The following EML3 variants were observed in gnomAD, a reference collection of about 807,000 sequenced individuals.
EML3 encodes echinoderm microtubule-associated protein-like 3.
EML3 carries 53 observed loss-of-function variants against 106.7 expected under a neutral mutation model. That is an observed-to-expected ratio of 0.50 (90% CI 0.40 to 0.62). The LOEUF (loss-of-function observed/expected upper bound fraction) is 0.62. EML3 is among the 20% of genes least tolerant of loss of function. The probability of loss-of-function intolerance (pLI) is 0.00; values close to 1 mark genes in which losing one functional copy is unlikely to be tolerated. For missense variants in EML3, 994 were observed against 1,209.1 expected (o/e 0.82, Z 2.64); for synonymous variants, 499 against 489.6 (o/e 1.02, Z -0.25).
intron 20 of EML3, 57 bp from the exon 21 acceptor site, chr11:62,602,946 A>T: frequency 1.3e-6 from 2 of 1,485,322 alleles, no homozygotes; most frequent in Non-Finnish European, 1.8e-6. Flanking sequence ...CACGGCCCAG[A>T]GCTACACCAT....
chr11:62,611,469 A>G lies in EML3; in HGVS notation c.150T>C (p.Pro50=). ...GTGTGCCAGAGCCCTGCAGGGAGGAAGGGGGCACCTGCAGCCGCAGCAGGC... is the reference window on the plus strand; with the variant it reads ...GTGTGCCAGAGCCCTGCAGGGAGGAGGGGGGCACCTGCAGCCGCAGCAGGC... The part of the protein sequence containing the change: ...ALRLLRLQVP[P]SSLQGSGTPA... Residue 50 remains proline, a synonymous_variant, in exon 2 of 22, where the codon CCT becomes CCC. Coordinates refer to ENST00000394773, the MANE Select transcript of EML3 (RefSeq NM_153265.3). 3 of 1,613,804 alleles carry G rather than the reference A, an allele frequency of 1.9e-6. No homozygotes were observed. Among genetic ancestry groups the G allele is most frequent in the Non-Finnish European group, 2.5e-6 (3 of 1,179,910 alleles).
Position 62,602,488 on chromosome 11 carries a change from G to A in EML3, c.2678C>T (p.Ser893Phe). 2.0e-6 allele frequency: 3 copies of A among 1,535,110 alleles called. No homozygotes were observed. The highest frequency in any genetic ancestry group is 1.2e-5 in the South Asian group (1 of 82,606). The change falls in exon 22 of 22, where the codon TCC (serine) becomes TTC (phenylalanine). Residue 893 changes from serine to phenylalanine, a missense_variant. Physicochemically the swap from Ser to Phe is radical, Grantham distance 155. Transcript: ENST00000394773. ...GCCAGGCAGCGATCAAACGTCGAGGGAGGAGGCGGGGGACAGGGAGGGGGT... is the reference window on the plus strand; with the variant it reads ...GCCAGGCAGCGATCAAACGTCGAGGAAGGAGGCGGGGGACAGGGAGGGGGT... Reference protein sequence around the residue: ...SRTPSLSPASSLDV With the variant: ...SRTPSLSPASFLDV
In EML3 at chr11:62,607,696, C is replaced by A. The variant is rs1389051213; in HGVS notation, c.1332G>T (p.Gly444=). 7 of 1,613,906 alleles carry A rather than the reference C, an allele frequency of 4.3e-6. No homozygotes were observed. Among genetic ancestry groups the A allele is most frequent in the East Asian group, 4.5e-5 (2 of 44,902 alleles). ...WSGGVGVPGN[G]TLTRKQGVFG... is the part of the protein sequence containing the mutation. ...AGACACCCTGTTTCCGGGTAAGGGTCCCATTCCCAGGAACCCCTACTCCAC... is the reference window on the plus strand; with the variant it reads ...AGACACCCTGTTTCCGGGTAAGGGTACCATTCCCAGGAACCCCTACTCCAC... The change falls in exon 11 of 22, where the codon GGG becomes GGT. Residue 444 remains glycine (G), a synonymous_variant. Coordinates refer to ENST00000394773, the MANE Select transcript of EML3 (RefSeq NM_153265.3).
chr11:62,608,309 G>T lies in EML3; in HGVS notation c.1111-13C>A. The T allele has an allele frequency of 6.2e-7, 1 of 1,612,126 alleles. No homozygotes were observed. Among genetic ancestry groups the T allele is most frequent in the South Asian group, 1.1e-5 (1 of 91,006 alleles). ...AGGCACCCTGATCCTGAAGAAGGGT[G>T]ACACATAGGAGGTGCAGAGTGAACC... On this transcript the variant is annotated splice_polypyrimidine_tract_variant and intron_variant, in intron 9 of 21. Transcript: ENST00000394773.
Position 62,605,391 on chromosome 11 carries a change from T to G in EML3, c.1915-211A>C, listed in dbSNP as rs977064254. On this transcript the variant is annotated intron_variant, in intron 15 of 21. Transcript: ENST00000394773. The surrounding 1 kb of genome is among the most constrained non-coding windows in gnomAD (Gnocchi z 5.2). ...TGATGCCAATAGCTGTGCTGGAGAT[T>G]AACCATTTAGGTGCTGGATCAAGAG... 2.0e-5 allele frequency among the ~76,000 whole-genome samples: 3 copies of G among 152,146 alleles called. No individual in the cohort carries two copies. Among genetic ancestry groups the G allele is most frequent in the African/African-American group, 7.2e-5 (3 of 41,432 alleles).
rs1942695836 is a variant in EML3, at chr11:62,609,371, G to A, written c.741C>T (p.Thr247=). The change falls in exon 6 of 22, where the codon ACC becomes ACT. Residue 247 remains threonine (T), a synonymous_variant. Coordinates refer to ENST00000394773, the MANE Select transcript of EML3 (RefSeq NM_153265.3). Reference sequence around the variant, plus strand: ...CAGGATACACCCAGTCAAGGCTGAGGGTCTCTGGCGGTGGGCCACTCGGCA... The same window carrying A: ...CAGGATACACCCAGTCAAGGCTGAGAGTCTCTGGCGGTGGGCCACTCGGCA... ...EELPSGPPPE[T]LSLDWVYGYR... 1 of 1,586,052 alleles carries A rather than the reference G, an allele frequency of 6.3e-7. No individual in the cohort carries two copies. Among genetic ancestry groups the A allele is most frequent in the Non-Finnish European group, 8.6e-7 (1 of 1,165,558 alleles).
chr11:62,607,626 C>T, intron 11 of EML3, 40 bp downstream of exon 11: 2 of 1,591,780 alleles, frequency 1.3e-6, no homozygotes, highest in Non-Finnish European at 1.7e-6. Context: ...TCCTCTTCCA[C>T]TCTGCCCTCC....
intron 4 of EML3, 59 bp downstream of exon 4, chr11:62,610,820 T>C (rs1384810457): frequency 2.1e-6 from 3 of 1,420,802 alleles, no homozygotes; most frequent in Non-Finnish European, 2.9e-6. Flanking sequence ...AGGTGAGGGA[T>C]ATGGAAAGTC....
At chr11:62,607,222 C>G (rs1297439720) in intron 11 of EML3, 123 bp from the exon 12 acceptor site, 2 of 1,251,302 alleles carry the variant, frequency 1.6e-6, no homozygotes, top group Non-Finnish European at 1.1e-6. Context: ...CCAAGGCGGG[C>G]GGGTCACCTG....
intron 11 of EML3, 51 bp from the exon 12 acceptor site, chr11:62,607,150 TA>T: frequency 6.3e-7 from 1 of 1,596,032 alleles, no homozygotes; most frequent in Non-Finnish European, 8.5e-7. Context: ...GGGCAAAGAT[TA>T]AAAGTCGCAG....
rs750997504 is a variant in EML3, at chr11:62,608,815, G to A, written c.930-10C>T. 1.3e-5 allele frequency: 21 copies of A among 1,567,374 alleles called. No individual in the cohort carries two copies. In the African/African-American group the frequency reaches 2.6e-4, roughly 19 times the overall value. The stretch of plus-strand genomic sequence containing the variant: ...AGGGTGAACAGCAAGGCTAAGGCAG[G>A]GGGAAGACACTCTAGGGAAAGGGTC... On this transcript the variant is annotated splice_polypyrimidine_tract_variant and intron_variant, in intron 7 of 21. Coordinates refer to ENST00000394773, the MANE Select transcript of EML3 (RefSeq NM_153265.3).
Position 62,611,494 on chromosome 11 carries a change from C to T in EML3, c.125G>A (p.Arg42His). Residue 42 changes from arginine to histidine, a missense_variant, in exon 2 of 22, where the codon CGC becomes CAC. Physicochemically the swap from Arg to His is conservative, Grantham distance 29. Transcript: ENST00000394773. Reference protein sequence around the residue: ...LVKAALAEALRLLRLQVPPSS... With the variant: ...LVKAALAEALHLLRLQVPPSS... ...AGGGGGCACCTGCAGCCGCAGCAGG[C>T]GAAGGGCTTCTGCCAGGGCTGCCTT... The T allele has an allele frequency of 1.2e-6, 2 of 1,613,738 alleles. No homozygotes were observed. The highest frequency in any genetic ancestry group is 2.2e-5 in the East Asian group (1 of 44,886).
intron 4 of EML3, 121 bp from the exon 5 acceptor site, chr11:62,609,817 T>C: frequency 3.6e-6 from 3 of 835,154 alleles, no homozygotes; most frequent in Admixed American, 5.3e-5. Flanking sequence ...AGCCTGTAGT[T>C]TGCTTCGTGA....
At chr11:62,606,017 C>T in intron 13 of EML3, 37 bp from the exon 14 acceptor site, 1 of 1,613,612 alleles carries the variant, frequency 6.2e-7, no homozygotes, top group East Asian at 2.2e-5. Context: ...AGCCCACTGA[C>T]TATTGCTCTT....
chr11:62,606,274 C>T (rs779355486), intron 12 of EML3, 60 bp from the exon 13 acceptor site: 55 of 1,569,136 alleles, frequency 3.5e-5, no homozygotes, highest in Non-Finnish European at 4.4e-5. Context: ...AGAAACAGGG[C>T]CAGCTTGGCT....
chr11:62,609,596 T>A (rs749808362), intron 5 of EML3, 33 bp downstream of exon 5: 1 of 1,592,274 alleles, frequency 6.3e-7, no homozygotes, highest in South Asian at 1.1e-5. Context: ...AACCCTGCCA[T>A]CCAAGTTTTC....
At chr11:62,607,302 G>C (rs918085835) in intron 11 of EML3, 38 of 536,576 alleles carry the variant, frequency 7.1e-5, no homozygotes, top group Admixed American at 1.8e-4. Context: ...CTGGGTGATA[G>C]AGCAAGGCAC....
chr11:62,607,960 C>T (rs1160845318), intron 10 of EML3, 139 bp from the exon 11 acceptor site: 1 of 981,910 alleles, frequency 1.0e-6, no homozygotes, highest in Non-Finnish European at 1.5e-6. Context: ...AAACCCTGGT[C>T]CCCTAAGAGC....
chr11:62,608,761 G>A lies in EML3; in HGVS notation c.974C>T (p.Thr325Ile). 2 of 1,597,314 alleles carry A rather than the reference G, an allele frequency of 1.3e-6. No homozygotes were observed. Among genetic ancestry groups the A allele is most frequent in the Non-Finnish European group, 1.7e-6 (2 of 1,170,174 alleles). The change falls in exon 8 of 22, where the codon ACA (threonine) becomes ATA (isoleucine). Residue 325 changes from threonine (T) to isoleucine (I), a missense_variant. Coordinates refer to ENST00000394773, the MANE Select transcript of EML3 (RefSeq NM_153265.3). ...PDGVRVASGQ[T>I]AGVDKDGKPL... ...CTTTCCATCCTTATCCACTCCAGCTGTCTGTCCCGAGGCTACCCGAACACC... is the reference window on the plus strand; with the variant it reads ...CTTTCCATCCTTATCCACTCCAGCTATCTGTCCCGAGGCTACCCGAACACC...
Sources: gnomAD v4.1 joint callset for allele counts (sites outside exome capture counted in the v4.1 genomes callset) on GRCh38, gnomAD v4.1.1 for gene constraint, Gnocchi (gnomAD v3.1) non-coding constraint, MANE v1.5 for transcripts, NCBI Gene and HGNC (gene_info 2026-07-23, HGNC 2026-07-21) for gene names.